Variants in SDK1 observed in about 807,000 individuals in gnomAD.
SDK1 encodes the protein sidekick cell adhesion molecule 1.
Under a neutral mutation model 245.5 loss-of-function variants are expected in SDK1, and 157 were observed. That is an observed-to-expected ratio of 0.64 (90% CI 0.56 to 0.73). The LOEUF (loss-of-function observed/expected upper bound fraction) is 0.73. Ranked by LOEUF, SDK1 falls within the 30% of genes least tolerant of loss-of-function variation. The pLI is 0.00. For synonymous variants in SDK1, 1,647 were observed against 1,278.5 expected (o/e 1.29, Z -6.15); for missense variants, 3,583 against 3,002.3 (o/e 1.19, Z -4.52).
intron 1 of SDK1, among the ~76,000 whole-genome samples, chr7:3,407,354 T>A (rs1779082073): frequency 6.6e-6 from 1 of 152,212 alleles, no homozygotes; most frequent in African/African-American, 2.4e-5. Context: ...TGCATGATGC[T>A]AGCCTTCATG....
chr7:3,987,852 C>T (rs986044229), intron 14 of SDK1, among the ~76,000 whole-genome samples: 3 of 152,236 alleles, frequency 2.0e-5, no homozygotes, highest in South Asian at 4.2e-4. Flanking sequence ...CTCCTCCAGC[C>T]GCCAAGCCCT....
chr7:3,571,944 C>T (rs1780129737), intron 1 of SDK1, among the ~76,000 whole-genome samples: 1 of 152,104 alleles, frequency 6.6e-6, no homozygotes, highest in Non-Finnish European at 1.5e-5. Context: ...CCCATCCCTT[C>T]TCTTACCTAA....
chr7:3,827,967 C>G (rs1252559738), intron 5 of SDK1, among the ~76,000 whole-genome samples: 2 of 152,214 alleles, frequency 1.3e-5, no homozygotes, highest in Admixed American at 6.5e-5. Flanking sequence ...CAAAGCACGT[C>G]TGTCCTAACT....
chr7:3,813,321 C>A (rs1412511577), intron 4 of SDK1, among the ~76,000 whole-genome samples: 3 of 143,710 alleles, frequency 2.1e-5, no homozygotes, highest in Non-Finnish European at 4.5e-5. Context: ...TCCATGTGTT[C>A]TCATTGTTCA....
chr7:3,860,577 A>T (rs1439553615), intron 5 of SDK1, among the ~76,000 whole-genome samples: 1 of 152,180 alleles, frequency 6.6e-6, no homozygotes, highest in African/African-American at 2.4e-5. Context: ...TAATACAGCC[A>T]TTTTTGGGAG....
At chr7:3,611,790 C>T (rs564667839) in intron 1 of SDK1, among the ~76,000 whole-genome samples, 16 of 151,976 alleles carry the variant, frequency 1.1e-4, no homozygotes, top group East Asian at 3.9e-4. Context: ...CTCCTTACTC[C>T]GGCAAAAATG....
rs1195823480 is a variant in SDK1 at position 3,819,324 on chromosome 7, G to A, written c.714-2126G>A. On this transcript the variant is annotated intron_variant, in intron 4 of 44. Transcript: ENST00000404826. Reference sequence around the variant, plus strand: ...TTAAAGATAAAAGTTATAATAGATGGAAACTTTAATATTTTTATCTTTATG... The same window carrying A: ...TTAAAGATAAAAGTTATAATAGATGAAAACTTTAATATTTTTATCTTTATG... 4.0e-5 allele frequency among the ~76,000 whole-genome samples: 6 copies of A among 151,626 alleles called. No homozygotes were observed. The East Asian group carries it at 1.2e-3, about 29-fold the overall frequency.
chr7:3,602,049 T>A (rs1233910222), intron 1 of SDK1, among the ~76,000 whole-genome samples: 1 of 151,956 alleles, frequency 6.6e-6, no homozygotes, highest in Non-Finnish European at 1.5e-5. Flanking sequence ...GGAGTATATG[T>A]GCCACATTTT....
At chr7:3,533,131 G>A (rs1783404743) in intron 1 of SDK1, among the ~76,000 whole-genome samples, 1 of 152,216 alleles carries the variant, frequency 6.6e-6, no homozygotes. Flanking sequence ...GATTCAGGTG[G>A]AGTTTGGTAC....
chr7:3,320,576 A>C (rs1583678605), intron 1 of SDK1, among the ~76,000 whole-genome samples: 1 of 152,186 alleles, frequency 6.6e-6, no homozygotes, highest in African/African-American at 2.4e-5. Flanking sequence ...ATCAGAAATC[A>C]AACTAAATCC....
At chr7:4,021,903 A>G (rs1381039088) in intron 17 of SDK1, among the ~76,000 whole-genome samples, 1 of 152,204 alleles carries the variant, frequency 6.6e-6, no homozygotes, top group African/African-American at 2.4e-5. Context: ...CTCACACAGA[A>G]TGAAAACTGC....
At chr7:3,832,171 G>C (rs1185835158) in intron 5 of SDK1, among the ~76,000 whole-genome samples, 1 of 152,158 alleles carries the variant, frequency 6.6e-6, no homozygotes, top group Non-Finnish European at 1.5e-5. Flanking sequence ...AAAGCAACAA[G>C]TTACTTTCAC....
chr7:3,569,802 C>T (rs906161898), intron 1 of SDK1, among the ~76,000 whole-genome samples: 22 of 152,212 alleles, frequency 1.4e-4, no homozygotes, highest in East Asian at 1.9e-4. Context: ...TGTTAACTTT[C>T]GGAGGAAAAA....
At chr7:4,248,171 T>A (rs1787019388) in intron 44 of SDK1, among the ~76,000 whole-genome samples, 1 of 152,076 alleles carries the variant, frequency 6.6e-6, no homozygotes, top group Admixed American at 6.5e-5. Context: ...TGAACACATA[T>A]GTACATGTAC....
chr7:3,972,108 C>A (rs1240154419), intron 12 of SDK1, among the ~76,000 whole-genome samples: 2 of 145,412 alleles, frequency 1.4e-5, no homozygotes, highest in Non-Finnish European at 3.0e-5. Flanking sequence ...GAGACAGAGC[C>A]TTGCTCTGTC....
chr7:3,953,947 A>G (rs1437544189), intron 7 of SDK1, among the ~76,000 whole-genome samples: 1 of 152,142 alleles, frequency 6.6e-6, no homozygotes, highest in Non-Finnish European at 1.5e-5. Flanking sequence ...GGATGAGATT[A>G]TAATCCCACG....
intron 24 of SDK1, 114 bp from the exon 25 acceptor site, chr7:4,113,923 C>A: frequency 1.3e-6 from 1 of 753,612 alleles, no homozygotes. Flanking sequence ...GACTATTTCC[C>A]CCAGGAACAC....
intron 9 of SDK1, among the ~76,000 whole-genome samples, chr7:3,964,561 C>G (rs1166145370): frequency 6.6e-6 from 1 of 152,102 alleles, no homozygotes; most frequent in African/African-American, 2.4e-5. Context: ...TACCTTGGCT[C>G]TCTGTCTTTG....
At chr7:3,341,547 CATT>C (rs1780348958) in intron 1 of SDK1, among the ~76,000 whole-genome samples, 1 of 152,110 alleles carries the variant, frequency 6.6e-6, no homozygotes, top group Non-Finnish European at 1.5e-5. Flanking sequence ...CGGATTACAT[CATT>C]GTTTATCCTA....
Sources: allele counts gnomAD v4.1 joint callset (sites outside exome capture counted in the v4.1 genomes callset), GRCh38; gene constraint gnomAD v4.1.1; transcripts MANE v1.5; gene names NCBI Gene and HGNC (gene_info 2026-07-23, HGNC 2026-07-21).